The following ACMSD variants were observed in gnomAD, a reference collection of about 807,000 sequenced individuals.
ACMSD encodes 2-amino-3-carboxymuconate-6-semialdehyde decarboxylase.
A neutral mutation model predicts 45.9 loss-of-function variants in ACMSD; 37 were observed. That is an observed-to-expected ratio of 0.81 (90% CI 0.62 to 1.06). The LOEUF is 1.06. ACMSD is among the 50% of genes least tolerant of loss of function. The probability of loss-of-function intolerance (pLI) is 0.00; values close to 1 mark genes in which losing one functional copy is unlikely to be tolerated. For synonymous variants in ACMSD, 138 were observed against 148.8 expected (o/e 0.93, Z 0.53); for missense variants, 434 against 420.9 (o/e 1.03, Z -0.27).
At chr2:134,896,858 CA>C (rs1690181804) in intron 8 of ACMSD, among the ~76,000 whole-genome samples, 1 of 152,110 alleles carries the variant, frequency 6.6e-6, no homozygotes, top group African/African-American at 2.4e-5. Context: ...AAGAAGGCTA[CA>C]TATTATGTGA....
At chr2:134,857,733 G>A (rs545355632) in intron 2 of ACMSD, 26 of 151,714 alleles carry the variant, frequency 1.7e-4, no homozygotes, top group Admixed American at 7.9e-4. Flanking sequence ...GTGGCAAAAT[G>A]AGCCCCCTTG....
chr2:134,883,231 C>T (rs1689142697), intron 8 of ACMSD, among the ~76,000 whole-genome samples: 1 of 151,824 alleles, frequency 6.6e-6, no homozygotes, highest in South Asian at 2.1e-4. Context: ...ATGATTATGA[C>T]GGATACCAAG....
At chr2:134,853,786 C>G (rs1687458248) in intron 2 of ACMSD, among the ~76,000 whole-genome samples, 1 of 152,094 alleles carries the variant, frequency 6.6e-6, no homozygotes, top group African/African-American at 2.4e-5. Context: ...AGAGTTCTAC[C>G]GACTTGCTAC....
At chr2:134,889,660 A>G (rs1326831971) in intron 8 of ACMSD, among the ~76,000 whole-genome samples, 4 of 152,222 alleles carry the variant, frequency 2.6e-5, no homozygotes, top group Admixed American at 2.0e-4. Context: ...ATGCAGGAAG[A>G]TGTGCATAGG....
chr2:134,896,099 A>G (rs557229110), intron 8 of ACMSD, among the ~76,000 whole-genome samples: 319 of 152,348 alleles, frequency 2.1e-3, no homozygotes, highest in Admixed American at 3.5e-3. Flanking sequence ...AGATATCCAC[A>G]TGTAAAAAAA....
intron 1 of ACMSD, among the ~76,000 whole-genome samples, chr2:134,840,194 C>CAAAAAAAAA (rs1300580743): frequency 1.5e-5 from 1 of 68,740 alleles, no homozygotes; most frequent in East Asian, 4.7e-4. Context: ...AAAAAAAAAA[C>CAAAAAAAAA]CACTAATTCC....
intron 8 of ACMSD, among the ~76,000 whole-genome samples, chr2:134,895,801 C>T (rs1452857910): frequency 1.3e-5 from 2 of 152,160 alleles, no homozygotes; most frequent in Non-Finnish European, 2.9e-5. Flanking sequence ...GCAGAGGTTG[C>T]AGTTAGCCAG....
chr2:134,845,137 G>C, intron 1 of ACMSD, 96 bp from the exon 2 acceptor site: 2 of 1,279,286 alleles, frequency 1.6e-6, no homozygotes, highest in Non-Finnish European at 2.3e-6. Flanking sequence ...GGCAATGCTT[G>C]AAAGGTGGAG....
chr2:134,851,677 G>A (rs6758113), intron 2 of ACMSD, among the ~76,000 whole-genome samples: 70,870 of 151,974 alleles, frequency 0.47, 17,137 homozygotes, highest in Middle Eastern at 0.82. Flanking sequence ...TCCTAACCTC[G>A]GGTTATCCAC....
In ACMSD at chr2:134,845,248, G is replaced by C. The variant is rs1468062689; in HGVS notation, c.73G>C (p.Gly25Arg). 3 of 1,614,048 alleles carry C rather than the reference G, an allele frequency of 1.9e-6. No individual in the cohort carries two copies. In the Admixed American group the frequency reaches 5.0e-5, roughly 27 times the overall value. Reference sequence around the variant, plus strand: ...CCCACTGCAGAGGTTTGGCTACGGAGGCTGGGTGCAGCTCCAACACCACAG... The same window carrying C: ...CCCACTGCAGAGGTTTGGCTACGGACGCTGGGTGCAGCTCCAACACCACAG... ...PDLKKRFGYG[G>R]WVQLQHHSKG... is the part of the protein sequence containing the mutation. Residue 25 changes from glycine (G) to arginine (R), a missense_variant, in exon 2 of 10, where the codon GGC becomes CGC. Transcript: ENST00000356140.
At chr2:134,894,330 A>G (rs1689968699) in intron 8 of ACMSD, among the ~76,000 whole-genome samples, 1 of 152,104 alleles carries the variant, frequency 6.6e-6, no homozygotes, top group East Asian at 1.9e-4. Flanking sequence ...AAAGAATTAT[A>G]AGTAAAAATT....
chr2:134,872,375 A>T, intron 7 of ACMSD, 94 bp from the exon 8 acceptor site: 1 of 1,405,676 alleles, frequency 7.1e-7, no homozygotes, highest in Admixed American at 1.9e-5. Flanking sequence ...ACTGTTAATC[A>T]GCTGGCCTAC....
At chr2:134,886,751 C>A (rs76385964) in intron 8 of ACMSD, among the ~76,000 whole-genome samples, 2,777 of 152,060 alleles carry the variant, frequency 0.018, 87 homozygotes, top group African/African-American at 0.064. Context: ...CTACCCAGTA[C>A]AAGAAAACAA....
At chr2:134,886,195 G>C (rs1042881716) in intron 8 of ACMSD, among the ~76,000 whole-genome samples, 1 of 149,520 alleles carries the variant, frequency 6.7e-6, no homozygotes, top group Non-Finnish European at 1.5e-5. Flanking sequence ...TCATTTTATA[G>C]ATGAATAAAA....
chr2:134,885,191 G>GTCTCAAAAAATATATACATATATATA (rs1261375111), intron 8 of ACMSD, among the ~76,000 whole-genome samples: 2 of 135,304 alleles, frequency 1.5e-5, no homozygotes, highest in Non-Finnish European at 3.1e-5. Flanking sequence ...GTGAGACTTT[G>GTCTCAAAAAATATATACATATATATA]TCTCAAAAAA....
In ACMSD at chr2:134,868,347, T is replaced by TA. The variant is rs201168947; in HGVS notation, c.580+676dup. ...CATCATCAGTTGTGGTAAGAAGAGA[T>TA]AGAGAACAGATGTAAAATTCTGGAG... On this transcript the variant is annotated intron_variant, in intron 6 of 9. Coordinates refer to ENST00000356140, the MANE Select transcript of ACMSD (RefSeq NM_138326.3). 2.7e-3 allele frequency among the ~76,000 whole-genome samples: 413 copies of TA among 151,982 alleles called. 4 individuals are homozygous for TA. The highest frequency in any genetic ancestry group is 0.019 in the Admixed American group (286 of 15,262).
intron 6 of ACMSD, among the ~76,000 whole-genome samples, chr2:134,870,315 G>A (rs144606476): frequency 3.2e-4 from 49 of 152,140 alleles, no homozygotes; most frequent in African/African-American, 1.1e-3. Context: ...AGCTACCAGA[G>A]GCAGCAAAGA....
intron 8 of ACMSD, among the ~76,000 whole-genome samples, chr2:134,885,389 A>AAT (rs1183516908): frequency 9.6e-6 from 1 of 104,002 alleles, no homozygotes; most frequent in Non-Finnish European, 1.8e-5. Flanking sequence ...TATATATGTA[A>AAT]ATATATATAT....
At chr2:134,861,868 G>T (rs1445034002) in intron 3 of ACMSD, 101 bp from the exon 4 acceptor site, 5 of 1,227,050 alleles carry the variant, frequency 4.1e-6, no homozygotes, top group East Asian at 2.3e-5. Context: ...AGAGCAGGAG[G>T]AGTTTAGGGT....
Sources: gnomAD v4.1 joint callset for allele counts (sites outside exome capture counted in the v4.1 genomes callset) on GRCh38, gnomAD v4.1.1 for gene constraint, MANE v1.5 for transcripts, NCBI Gene and HGNC (gene_info 2026-07-23, HGNC 2026-07-21) for gene names.